CLCN3: variants seen among roughly 807,000 people sequenced by gnomAD.
The protein encoded by CLCN3 is H(+)/Cl(-) exchange transporter 3.
In CLCN3, 16 loss-of-function variants were observed where a neutral mutation model predicts 83.4. That is an observed-to-expected ratio of 0.19 (90% confidence interval 0.13 to 0.29). CLCN3 has a LOEUF of 0.29. Among genes scored for constraint, CLCN3 ranks in the 10% least tolerant of loss-of-function variants. CLCN3 has a pLI of 1.00. For synonymous variants in CLCN3, 322 were observed against 346.2 expected (o/e 0.93, Z 0.78); for missense variants, 544 against 1,006.0 (o/e 0.54, Z 6.21).
In CLCN3 at chr4:169,720,091, T is replaced by C. The variant is rs772368292; in HGVS notation, c.*94T>C. On this transcript the variant is annotated 3_prime_UTR_variant, in exon 13 of 13. Transcript: ENST00000513761. Reference sequence around the variant, plus strand: ...CCTGAGGGAGTCATCTACTTTTTTTTCCTCCTTTACAAAAAAAGAAAGGAA... The same window carrying C: ...CCTGAGGGAGTCATCTACTTTTTTTCCCTCCTTTACAAAAAAAGAAAGGAA... 4 of 1,545,112 alleles carry C rather than the reference T, an allele frequency of 2.6e-6. No individual in the cohort carries two copies. The South Asian group carries it at 3.7e-5, about 14-fold the overall frequency.
chr4:169,639,604 C>T (rs2150205131), intron 2 of CLCN3, among the ~76,000 whole-genome samples: 1 of 152,250 alleles, frequency 6.6e-6, no homozygotes, highest in African/African-American at 2.4e-5. Context: ...AATATTCTTT[C>T]TTTCAACATA....
chr4:169,647,638 A>C (rs10866341), intron 2 of CLCN3, among the ~76,000 whole-genome samples: 18 of 152,040 alleles, frequency 1.2e-4, no homozygotes, highest in African/African-American at 4.4e-4. Context: ...ATAATGTAGC[A>C]TGAATTATAA....
intron 3 of CLCN3, chr4:169,680,454 A>G: frequency 2.8e-6 from 1 of 356,472 alleles, no homozygotes; most frequent in Non-Finnish European, 5.0e-6. Flanking sequence ...AGAAGACAAA[A>G]TAAGAAGGAA....
At chr4:169,686,286 A>C (rs982734088) in intron 3 of CLCN3, among the ~76,000 whole-genome samples, 6 of 152,176 alleles carry the variant, frequency 3.9e-5, no homozygotes, top group African/African-American at 1.4e-4. Context: ...ACAAACCTGC[A>C]CATTGTGCAC....
At chr4:169,663,000 A>G (rs896547510) in intron 2 of CLCN3, 1 of 151,976 alleles carries the variant, frequency 6.6e-6, no homozygotes, top group African/African-American at 2.4e-5. Context: ...TTAGAGGTCA[A>G]ATTTCTTTCT....
intron 2 of CLCN3, among the ~76,000 whole-genome samples, chr4:169,650,428 T>C (rs1730699618): frequency 6.6e-6 from 1 of 152,204 alleles, no homozygotes; most frequent in African/African-American, 2.4e-5. Context: ...GATTTTAGTT[T>C]TATTGTTTTA....
rs557357995 is a variant in CLCN3, at chr4:169,631,960, A to C, written c.-16-3953A>C. The stretch of plus-strand genomic sequence containing the variant: ...ACCAACCAGAAAAGCCCTGGACCAG[A>C]TGTATTCATAGCTGAATTCTATCAG... On this transcript the variant is annotated intron_variant, in intron 1 of 12. Coordinates refer to ENST00000513761, the MANE Select transcript of CLCN3 (RefSeq NM_001829.4). 2.9e-3 allele frequency among the ~76,000 whole-genome samples: 429 copies of C among 149,954 alleles called. 4 individuals carry two copies. Among genetic ancestry groups the C allele is most frequent in the African/African-American group, 0.01 (417 of 41,004 alleles).
chr4:169,630,157 T>G (rs1773333088), intron 1 of CLCN3, among the ~76,000 whole-genome samples: 1 of 152,218 alleles, frequency 6.6e-6, no homozygotes, highest in African/African-American at 2.4e-5. Context: ...TTTCAACTTT[T>G]ATTTTAGATG....
chr4:169,700,252 A>AGTTT (rs10688594), intron 9 of CLCN3, among the ~76,000 whole-genome samples: 71,782 of 151,588 alleles, frequency 0.47, 17,383 homozygotes, highest in South Asian at 0.54. Flanking sequence ...CTCTTTCAGT[A>AGTTT]GTTTGTTCGT....
chr4:169,659,862 A>G (rs1255096786), intron 2 of CLCN3, among the ~76,000 whole-genome samples: 1 of 152,184 alleles, frequency 6.6e-6, no homozygotes, highest in African/African-American at 2.4e-5. Context: ...CAAACTTACT[A>G]GAGTGCTGCT....
At chr4:169,664,882 A>G (rs550765852) in intron 2 of CLCN3, among the ~76,000 whole-genome samples, 9 of 152,320 alleles carry the variant, frequency 5.9e-5, no homozygotes, top group African/African-American at 2.2e-4. Context: ...CTATTTTCCC[A>G]GCATCGAGGT....
chr4:169,660,114 G>A, intron 2 of CLCN3: 1 of 1,076,692 alleles, frequency 9.3e-7, no homozygotes. Context: ...AGCAGGACCT[G>A]ATTAAGAAGG....
intron 12 of CLCN3, chr4:169,717,884 G>C (rs935051733): frequency 8.4e-6 from 13 of 1,554,816 alleles, no homozygotes; most frequent in Non-Finnish European, 1.2e-5. Context: ...AGATATATCA[G>C]ATCTCCTCAT....
chr4:169,679,279 C>T lies in CLCN3; in HGVS notation c.161-771C>T, dbSNP rs1324489792. Among the ~76,000 whole-genome samples, 19 of 151,820 alleles carry T rather than the reference C, an allele frequency of 1.3e-4. 1 individual carries two copies. In the South Asian group the frequency reaches 1.7e-3, roughly 13 times the overall value. ...GGCGGCCGGGCAGAGGCGCTCCCCA[C>T]GTCCCAGACGATGGGCGGCCGGGCA... On this transcript the variant is annotated intron_variant, in intron 2 of 12. Coordinates refer to ENST00000513761, the MANE Select transcript of CLCN3 (RefSeq NM_001829.4).
chr4:169,637,827 C>A (rs950908724), intron 2 of CLCN3, among the ~76,000 whole-genome samples: 2 of 151,818 alleles, frequency 1.3e-5, no homozygotes, highest in African/African-American at 4.8e-5. Context: ...ACTAGTTGAC[C>A]CCACACCATT....
chr4:169,680,377 A>T, intron 3 of CLCN3, 170 bp downstream of exon 3: 1 of 570,790 alleles, frequency 1.8e-6, no homozygotes, highest in East Asian at 3.1e-5. Flanking sequence ...TAATTTTTTT[A>T]GTTTACTTAT....
intron 2 of CLCN3, among the ~76,000 whole-genome samples, chr4:169,654,152 TC>T (rs1252309624): frequency 2.0e-5 from 3 of 152,124 alleles, no homozygotes; most frequent in Non-Finnish European, 2.9e-5. Context: ...TGGTTTTTCA[TC>T]CTGATAATGG....
chr4:169,645,128 T>C (rs1304323328), intron 2 of CLCN3, among the ~76,000 whole-genome samples: 2 of 152,228 alleles, frequency 1.3e-5, no homozygotes, highest in African/African-American at 4.8e-5. Context: ...CTTAGTATTA[T>C]CGAAAGTGTT....
intron 2 of CLCN3, among the ~76,000 whole-genome samples, chr4:169,638,671 A>G (rs1730310271): frequency 1.3e-5 from 2 of 152,136 alleles, no homozygotes; most frequent in African/African-American, 4.8e-5. Flanking sequence ...GACTCCTTCC[A>G]CCTTCCCACG....
Sources: allele counts gnomAD v4.1 joint callset (sites outside exome capture counted in the v4.1 genomes callset), GRCh38; gene constraint gnomAD v4.1.1; transcripts MANE v1.5; gene names NCBI Gene and HGNC (gene_info 2026-07-23, HGNC 2026-07-21).